The following KCNH7 variants were observed in gnomAD, a reference collection of about 807,000 sequenced individuals.
KCNH7 encodes voltage-gated inwardly rectifying potassium channel KCNH7.
KCNH7 carries 49 observed loss-of-function variants against 120.8 expected under a neutral mutation model. The ratio of observed to expected loss-of-function variants is 0.41; its 90% confidence interval spans 0.32 to 0.51. The LOEUF is 0.51. Among genes scored for constraint, KCNH7 ranks in the 20% least tolerant of loss-of-function variants. The pLI is 0.38. For synonymous variants in KCNH7, 547 were observed against 516.1 expected, an observed-to-expected ratio of 1.06 and a Z score of -0.81; for missense variants, 1,097 against 1,446.6, an observed-to-expected ratio of 0.76 and a Z score of 3.92.
intron 2 of KCNH7, chr2:162,796,796 T>A (rs1241446750): frequency 2.6e-5 from 4 of 152,052 alleles, no homozygotes; most frequent in Non-Finnish European, 1.5e-5. Context: ...TATTTGTTTG[T>A]TGGCCATACC....
intron 2 of KCNH7, among the ~76,000 whole-genome samples, chr2:162,779,113 A>AT (rs1364418573): frequency 6.6e-6 from 1 of 151,570 alleles, no homozygotes; most frequent in Non-Finnish European, 1.5e-5. Flanking sequence ...GGCAAAAAGT[A>AT]TTTTTTCCAA....
At chr2:162,484,237 A>C (rs189380844) in intron 6 of KCNH7, among the ~76,000 whole-genome samples, 2,194 of 151,082 alleles carry the variant, frequency 0.015, 63 homozygotes, top group African/African-American at 0.049. Flanking sequence ...ACACACACAC[A>C]CACACACACA....
chr2:162,818,733 TTATGA>T (rs1685001002), intron 2 of KCNH7, among the ~76,000 whole-genome samples: 2 of 152,200 alleles, frequency 1.3e-5, no homozygotes. Context: ...TATGATTATT[TTATGA>T]TATAAGTCTT....
At chr2:162,690,400 T>G (rs1686060055) in intron 2 of KCNH7, among the ~76,000 whole-genome samples, 2 of 152,110 alleles carry the variant, frequency 1.3e-5, no homozygotes, top group Admixed American at 6.6e-5. Flanking sequence ...AAAAAAGTTT[T>G]TAGTGCCTTT....
At chr2:162,813,978 A>T (rs975030224) in intron 2 of KCNH7, among the ~76,000 whole-genome samples, 1 of 152,238 alleles carries the variant, frequency 6.6e-6, no homozygotes, top group Non-Finnish European at 1.5e-5. Context: ...GAATCATTCC[A>T]TTAAACACAT....
intron 3 of KCNH7, among the ~76,000 whole-genome samples, chr2:162,522,195 T>C (rs1270136313): frequency 1.3e-5 from 2 of 151,916 alleles, no homozygotes; most frequent in African/African-American, 4.8e-5. Context: ...GATTAGTCTT[T>C]AATGCACATG....
intron 9 of KCNH7, among the ~76,000 whole-genome samples, chr2:162,403,694 A>T (rs539503330): frequency 6.6e-6 from 1 of 152,112 alleles, no homozygotes; most frequent in African/African-American, 2.4e-5. Flanking sequence ...ATATGATGTT[A>T]GCCCTTAACA....
At chr2:162,494,313 G>C (rs1244207845) in intron 6 of KCNH7, among the ~76,000 whole-genome samples, 1 of 152,184 alleles carries the variant, frequency 6.6e-6, no homozygotes, top group East Asian at 1.9e-4. Context: ...ATAATATCAA[G>C]TGTTGTGAAC....
chr2:162,404,333 C>T (rs1055097178), intron 9 of KCNH7, among the ~76,000 whole-genome samples: 2 of 151,910 alleles, frequency 1.3e-5, no homozygotes, highest in Admixed American at 6.6e-5. Flanking sequence ...ATCAGTTTCA[C>T]TGTCTGCAGC....
Position 162,513,023 on chromosome 2 carries a change from C to T in KCNH7, c.893-349G>A, listed in dbSNP as rs1574048647. ...CCTTGTCAACAGCCAATTTTAGTGT[C>T]TCCTCAACTATCACTTAGAATATAC... is the stretch of plus-strand genomic sequence containing the variant. On this transcript the variant is annotated intron_variant, in intron 4 of 15. Transcript: ENST00000332142. 2.6e-5 allele frequency among the ~76,000 whole-genome samples: 4 copies of T among 151,936 alleles called. 1 individual carries two copies. Among genetic ancestry groups the T allele is most frequent in the East Asian group, 3.9e-4 (2 of 5,122 alleles).
intron 2 of KCNH7, among the ~76,000 whole-genome samples, chr2:162,735,625 T>G (rs1009124148): frequency 3.3e-5 from 5 of 152,166 alleles, no homozygotes; most frequent in African/African-American, 9.7e-5. Context: ...CTAAGACAGT[T>G]TAGACATTTC....
chr2:162,744,568 CTTTTT>C (rs144013923), intron 2 of KCNH7, among the ~76,000 whole-genome samples: 3 of 115,318 alleles, frequency 2.6e-5, no homozygotes. Context: ...ATTCACAGAA[CTTTTT>C]TTTTTTTTTT....
At position 162,435,412 on chromosome 2, in the gene KCNH7, G is replaced by A. The variant is rs752735773; in HGVS notation, c.1740C>T (p.Tyr580=). The A allele has an allele frequency of 2.5e-6, 4 of 1,613,680 alleles. No individual in the cohort carries two copies. Among genetic ancestry groups the A allele is most frequent in the Admixed American group, 3.3e-5 (2 of 59,896 alleles). ...WYAIGNVERP[Y]LTDKIGWLDS... The stretch of plus-strand genomic sequence containing the variant: ...CCAACCATCCGATTTTGTCAGTCAG[G>A]TAAGGCCTTTCTACATTCCCAATCG... The change falls in exon 8 of 16, where the codon TAC becomes TAT. Residue 580 remains tyrosine (Y), a synonymous_variant. Coordinates refer to ENST00000332142, the MANE Select transcript of KCNH7 (RefSeq NM_033272.4).
intron 2 of KCNH7, among the ~76,000 whole-genome samples, chr2:162,728,067 A>G (rs1363244233): frequency 6.6e-6 from 1 of 152,188 alleles, no homozygotes; most frequent in East Asian, 1.9e-4. Flanking sequence ...TGATATGTGA[A>G]TAATTAATTT....
intron 2 of KCNH7, among the ~76,000 whole-genome samples, chr2:162,781,620 G>A (rs1219533897): frequency 6.6e-6 from 1 of 152,010 alleles, no homozygotes; most frequent in Admixed American, 6.6e-5. Flanking sequence ...GGTGTTTTTG[G>A]ATTTCATTAC....
At chr2:162,764,897 T>C (rs1574358182) in intron 2 of KCNH7, among the ~76,000 whole-genome samples, 1 of 152,322 alleles carries the variant, frequency 6.6e-6, no homozygotes, top group South Asian at 2.1e-4. Flanking sequence ...CCAACATATT[T>C]TGGTTAGCCA....
At chr2:162,829,674 G>A (rs1350028488) in intron 2 of KCNH7, among the ~76,000 whole-genome samples, 2 of 151,664 alleles carry the variant, frequency 1.3e-5, no homozygotes, top group Non-Finnish European at 2.9e-5. Context: ...ATAGTTTCAG[G>A]CTATGAAGAT....
At chr2:162,608,519 A>C (rs900449591) in intron 2 of KCNH7, among the ~76,000 whole-genome samples, 1 of 152,170 alleles carries the variant, frequency 6.6e-6, no homozygotes, top group African/African-American at 2.4e-5. Flanking sequence ...TGGAGTTATC[A>C]AAATTTTTCT....
At chr2:162,727,798 A>G (rs1457449618) in intron 2 of KCNH7, among the ~76,000 whole-genome samples, 1 of 152,174 alleles carries the variant, frequency 6.6e-6, no homozygotes. Context: ...TCATATATCT[A>G]TGAATGTAGG....
Sources: allele counts gnomAD v4.1 joint callset (sites outside exome capture counted in the v4.1 genomes callset), GRCh38; gene constraint gnomAD v4.1.1; transcripts MANE v1.5; gene names NCBI Gene and HGNC (gene_info 2026-07-23, HGNC 2026-07-21).